PRDM1: variants seen among roughly 807,000 people sequenced by gnomAD.
The protein encoded by PRDM1 is PR domain zinc finger protein 1.
A neutral mutation model predicts 62.8 loss-of-function variants in PRDM1; 13 were observed. The ratio of observed to expected loss-of-function variants is 0.21; its 90% CI spans 0.13 to 0.33. The LOEUF is 0.33. PRDM1 is among the 10% of genes least tolerant of loss of function. The probability of loss-of-function intolerance (pLI) is 1.00; values close to 1 mark genes in which losing one functional copy is unlikely to be tolerated. For missense variants in PRDM1, 895 were observed against 1,058.8 expected, an observed-to-expected ratio of 0.85 and a Z score of 2.15; for synonymous variants, 396 against 417.6, an observed-to-expected ratio of 0.95 and a Z score of 0.63.
At position 106,010,247 on chromosome 6, in the gene PRDM1, T is replaced by A. The variant is rs116343392; in HGVS notation, c.-67+16608T>A. On this transcript the variant is annotated intron_variant, in intron 1 of 6. Transcript: ENST00000652320. ...TCGACAGGCGTTTCTAATCCTTTAC[T>A]TACTTGTTTATCCTTGCAGAACCCC... Among the ~76,000 whole-genome samples the A allele has an allele frequency of 8.2e-3, 1,245 of 152,302 alleles. 21 individuals are homozygous for A. The highest frequency in any genetic ancestry group is 0.029 in the African/African-American group (1,202 of 41,570).
At chr6:105,997,115 G>A (rs971852260) in intron 1 of PRDM1, among the ~76,000 whole-genome samples, 1 of 152,210 alleles carries the variant, frequency 6.6e-6, no homozygotes, top group Non-Finnish European at 1.5e-5. Flanking sequence ...CATACTGTAA[G>A]GACAGGGGTA....
intron 1 of PRDM1, among the ~76,000 whole-genome samples, chr6:106,042,920 G>A (rs1272355323): frequency 2.0e-5 from 3 of 152,068 alleles, no homozygotes; most frequent in Non-Finnish European, 2.9e-5. Flanking sequence ...GCGCATTCTC[G>A]GCTCACCGCA....
chr6:106,012,332 ACACACACACAAACATAC>A (rs1240976109), intron 1 of PRDM1, among the ~76,000 whole-genome samples: 1 of 148,094 alleles, frequency 6.8e-6, no homozygotes, highest in African/African-American at 2.5e-5. Context: ...TTCACACACC[ACACACACACAAACATAC>A]CACACACACC....
intron 1 of PRDM1, among the ~76,000 whole-genome samples, chr6:106,054,645 T>C (rs1181431804): frequency 3.3e-5 from 5 of 152,232 alleles, no homozygotes; most frequent in Non-Finnish European, 7.3e-5. Flanking sequence ...GATTAATGTA[T>C]AAGCTTTAAG....
intron 4 of PRDM1, among the ~76,000 whole-genome samples, chr6:106,103,134 C>G (rs951715966): frequency 3.3e-5 from 5 of 152,128 alleles, no homozygotes; most frequent in African/African-American, 1.2e-4. Context: ...TCACGGCCCC[C>G]CCGTCAGCAT....
chr6:105,995,540 C>A (rs968863197), intron 1 of PRDM1, among the ~76,000 whole-genome samples: 13 of 151,666 alleles, frequency 8.6e-5, no homozygotes, highest in African/African-American at 2.9e-4. Flanking sequence ...GTAAAACCTT[C>A]AGCTGTAACG....
At chr6:106,006,441 G>T (rs1772484754) in intron 1 of PRDM1, among the ~76,000 whole-genome samples, 1 of 148,400 alleles carries the variant, frequency 6.7e-6, no homozygotes, top group Non-Finnish European at 1.5e-5. Flanking sequence ...GTCTCGTGGG[G>T]TGAACCTAAA....
At chr6:106,074,118 C>T (rs1385866686) in intron 1 of PRDM1, among the ~76,000 whole-genome samples, 1 of 152,148 alleles carries the variant, frequency 6.6e-6, no homozygotes, top group East Asian at 1.9e-4. Context: ...TACAAGGCCA[C>T]TATAGCATCT....
intron 1 of PRDM1, among the ~76,000 whole-genome samples, chr6:106,031,807 A>G (rs1036228844): frequency 6.6e-6 from 1 of 152,248 alleles, no homozygotes; most frequent in Non-Finnish European, 1.5e-5. Flanking sequence ...GGGGCCTTAA[A>G]GAGAAGTAGA....
intron 1 of PRDM1, among the ~76,000 whole-genome samples, chr6:106,030,606 A>G (rs1327970705): frequency 6.6e-6 from 1 of 152,198 alleles, no homozygotes; most frequent in African/African-American, 2.4e-5. Context: ...AAACTGGCTG[A>G]GTCCAAGGTT....
At chr6:106,047,820 C>T (rs922981382), upstream of PRDM1, among the ~76,000 whole-genome samples, 8 of 152,194 alleles carry the variant, frequency 5.3e-5, no homozygotes, top group Non-Finnish European at 1.2e-4. Context: ...AAATCCTATA[C>T]TCCTACCCTC....
intron 1 of PRDM1, among the ~76,000 whole-genome samples, chr6:106,042,371 G>GA (rs1431594726): frequency 1.3e-5 from 2 of 150,460 alleles, no homozygotes; most frequent in South Asian, 2.1e-4. Context: ...AAATACAAAA[G>GA]AAAAAATTAG....
chr6:106,043,862 C>T (rs1024822520), upstream of PRDM1, among the ~76,000 whole-genome samples: 4 of 152,194 alleles, frequency 2.6e-5, no homozygotes, highest in Non-Finnish European at 5.9e-5. Context: ...ATCGAATTAA[C>T]TGTCAGTGGT....
intron 1 of PRDM1, among the ~76,000 whole-genome samples, chr6:105,997,448 G>A (rs1772361659): frequency 6.6e-6 from 1 of 152,158 alleles, no homozygotes; most frequent in African/African-American, 2.4e-5. Context: ...TTCGTTAATA[G>A]TAGAATTTTA....
rs1326621526 is a variant in PRDM1 at position 106,108,565 on chromosome 6, G to C, written c.*1079G>C. ...TTTAATGTCAAAATTGCACAAACAT[G>C]GTGCTCTACCAGGAAGGATTCGAGG... is the stretch of plus-strand genomic sequence containing the variant. On this transcript the variant is annotated 3_prime_UTR_variant, in exon 7 of 7. Transcript: ENST00000369096. The C allele has an allele frequency of 4.9e-6, 1 of 203,590 alleles. No individual in the cohort carries two copies. 12.6% of individuals were successfully genotyped at this position (203,590 alleles called of 1,614,324 possible). A position where few individuals can be genotyped will look rare whatever the true frequency, so the allele number is the denominator to read the frequency against.
At chr6:106,021,250 GT>G (rs1464420094) in intron 1 of PRDM1, among the ~76,000 whole-genome samples, 2 of 152,122 alleles carry the variant, frequency 1.3e-5, no homozygotes, top group African/African-American at 4.8e-5. Context: ...AGTACTTCTA[GT>G]TTCCTATGTT....
rs2114662242 is a variant in PRDM1, at chr6:106,107,014, C to T, written c.2006C>T (p.Thr669Ile). 1 of 1,614,200 alleles carries T rather than the reference C, an allele frequency of 6.2e-7. No individual in the cohort carries two copies. The highest frequency in any genetic ancestry group is 8.5e-7 in the Non-Finnish European group (1 of 1,180,050). ...TGCAAGGTGTGCCCTGCCAAGTTCA[C>T]CCAGTTTGTGCACCTGAAACTGCAC... ...YQCKVCPAKFTQFVHLKLHKR... is the reference protein window; with the variant it reads ...YQCKVCPAKFIQFVHLKLHKR... The change falls in exon 7 of 7, where the codon ACC becomes ATC. Residue 669 changes from threonine (T) to isoleucine (I), a missense_variant. By Grantham distance (89) the Thr-to-Ile change is moderately conservative (BLOSUM62 -1). Coordinates refer to ENST00000369096, the MANE Select transcript of PRDM1 (RefSeq NM_001198.4).
intron 1 of PRDM1, among the ~76,000 whole-genome samples, chr6:106,070,648 T>C (rs1773495522): frequency 6.6e-6 from 1 of 152,358 alleles, no homozygotes; most frequent in South Asian, 2.1e-4. Flanking sequence ...AGAAAAGTTA[T>C]ACCAACAAAG....
chr6:106,067,728 G>A (rs1476284684), intron 1 of PRDM1, among the ~76,000 whole-genome samples: 1 of 152,180 alleles, frequency 6.6e-6, no homozygotes, highest in East Asian at 1.9e-4. Flanking sequence ...AGGGAGGAAT[G>A]GGGAGTTATT....
Sources: gnomAD v4.1 joint callset for allele counts (sites outside exome capture counted in the v4.1 genomes callset) on GRCh38, gnomAD v4.1.1 for gene constraint, MANE v1.5 for transcripts, NCBI Gene and HGNC (gene_info 2026-07-23, HGNC 2026-07-21) for gene names.